The following SYNGR1 variants were observed in gnomAD, a reference collection of about 807,000 sequenced individuals.
SYNGR1 encodes synaptogyrin-1.
SYNGR1 carries 14 observed loss-of-function variants against 26.1 expected under a neutral mutation model. The ratio of observed to expected loss-of-function variants is 0.54; its 90% CI spans 0.35 to 0.84. The LOEUF is 0.84. SYNGR1 is among the 40% of genes least tolerant of loss of function. The probability of loss-of-function intolerance (pLI) is 0.01; values close to 1 mark genes in which losing one functional copy is unlikely to be tolerated. For missense variants in SYNGR1, 319 were observed against 332.9 expected (o/e 0.96, Z 0.33); for synonymous variants, 141 against 150.1 (o/e 0.94, Z 0.44).
chr22:39,359,969 T>C (rs1924390306), intron 1 of SYNGR1, among the ~76,000 whole-genome samples: 2 of 152,116 alleles, frequency 1.3e-5, no homozygotes, highest in African/African-American at 4.8e-5. Context: ...GATCTTCCCC[T>C]GTGCACTGGC....
intron 2 of SYNGR1, 60 bp from the exon 3 acceptor site, chr22:39,375,992 C>G (rs755674352): frequency 6.2e-7 from 1 of 1,609,966 alleles, no homozygotes; most frequent in South Asian, 1.1e-5. Flanking sequence ...ATTTTCTCCC[C>G]ACTCACCCTC....
At chr22:39,359,896 C>A (rs1924386075) in intron 1 of SYNGR1, among the ~76,000 whole-genome samples, 1 of 152,072 alleles carries the variant, frequency 6.6e-6, no homozygotes, top group South Asian at 2.1e-4. Flanking sequence ...AACCCTCCTA[C>A]CTTTCCATCT....
intron 1 of SYNGR1, among the ~76,000 whole-genome samples, chr22:39,363,441 G>A (rs1924582711): frequency 6.6e-6 from 1 of 151,980 alleles, no homozygotes; most frequent in Non-Finnish European, 1.5e-5. Flanking sequence ...GACAGTTTTG[G>A]GAGGAGGTTG....
At position 39,377,336 on chromosome 22, in the gene SYNGR1, C is replaced by G. The variant is rs555176602; in HGVS notation, c.483+1139C>G. ...TGGGCCAGCCTTGGCTGCTCCACCCCTCAGTGTCCTCAAGACTGGGTAGGA... is the reference window on the plus strand; with the variant it reads ...TGGGCCAGCCTTGGCTGCTCCACCCGTCAGTGTCCTCAAGACTGGGTAGGA... On this transcript the variant is annotated intron_variant, in intron 3 of 3. Transcript: ENST00000328933. 1.4e-3 allele frequency: 1,348 copies of G among 985,438 alleles called. 14 individuals are homozygous for G. In the African/African-American group the frequency reaches 0.022, roughly 16 times the overall value. 61.0% of individuals were successfully genotyped at this position (985,438 alleles called of 1,614,324 possible).
intron 1 of SYNGR1, among the ~76,000 whole-genome samples, chr22:39,372,345 A>G (rs555172939): frequency 6.9e-6 from 1 of 144,022 alleles, no homozygotes; most frequent in South Asian, 2.4e-4. Context: ...GTTAACCAGG[A>G]TGGTCTTGAT....
chr22:39,376,955 C>T, intron 3 of SYNGR1: 1 of 1,547,276 alleles, frequency 6.5e-7, no homozygotes, highest in Non-Finnish European at 8.7e-7. Context: ...CTCGGCTGGC[C>T]CCTCTTTCCC....
intron 3 of SYNGR1, chr22:39,378,180 C>T: frequency 9.0e-7 from 1 of 1,107,018 alleles, no homozygotes; most frequent in Non-Finnish European, 1.1e-6. Context: ...CCGAGGATGT[C>T]ACAGGGCTCC....
chr22:39,372,522 C>T (rs1382998909), intron 1 of SYNGR1, among the ~76,000 whole-genome samples: 4 of 142,130 alleles, frequency 2.8e-5, no homozygotes, highest in Non-Finnish European at 6.0e-5. Context: ...ACAATCTCGG[C>T]TCACTGCAAC....
At chr22:39,377,131 CTT>C in intron 3 of SYNGR1, 1 of 1,524,110 alleles carries the variant, frequency 6.6e-7, no homozygotes, top group Non-Finnish European at 8.8e-7. Flanking sequence ...CAAGGAGACT[CTT>C]GAGGCTACAT....
At chr22:39,377,667 T>C in intron 3 of SYNGR1, 1 of 1,613,826 alleles carries the variant, frequency 6.2e-7, no homozygotes, top group Non-Finnish European at 8.5e-7. Flanking sequence ...CAGCACACTG[T>C]TCCCTGCCTC....
chr22:39,378,274 G>A, intron 3 of SYNGR1: 2 of 992,400 alleles, frequency 2.0e-6, no homozygotes, highest in Non-Finnish European at 2.4e-6. Context: ...CCTGAACTGA[G>A]GGGTGATAAT....
At chr22:39,381,651 C>T (rs781471960) in intron 3 of SYNGR1, 45 bp from the exon 4 acceptor site, 1 of 1,606,094 alleles carries the variant, frequency 6.2e-7, no homozygotes, top group South Asian at 1.1e-5. Context: ...CTCCCCTAAC[C>T]ACCCCCTCCC....
At chr22:39,361,493 G>T (rs12185894) in intron 1 of SYNGR1, among the ~76,000 whole-genome samples, 2 of 151,694 alleles carry the variant, frequency 1.3e-5, no homozygotes, top group Admixed American at 1.3e-4. Context: ...AAGTAGCTGA[G>T]ATTACAGGCA....
intron 1 of SYNGR1, among the ~76,000 whole-genome samples, chr22:39,373,711 G>A (rs1317814791): frequency 6.6e-6 from 1 of 151,258 alleles, no homozygotes; most frequent in Non-Finnish European, 1.5e-5. Flanking sequence ...TCCAACTGCT[G>A]AGCTCAAGTG....
At chr22:39,373,134 T>G (rs575436234) in intron 1 of SYNGR1, among the ~76,000 whole-genome samples, 2 of 136,854 alleles carry the variant, frequency 1.5e-5, no homozygotes, top group African/African-American at 3.1e-5. Flanking sequence ...TATTTTCTAT[T>G]TAATACACAC....
chr22:39,378,400 C>CATTCA, intron 3 of SYNGR1: 2 of 981,702 alleles, frequency 2.0e-6, no homozygotes, highest in Non-Finnish European at 2.4e-6. Context: ...TTCATTCATT[C>CATTCA]TTCTCTCCAG....
rs550260667 is a variant in SYNGR1 at position 39,355,448 on chromosome 22, C to T, written c.99+5339C>T. Among the ~76,000 whole-genome samples, 35 of 152,346 alleles carry T rather than the reference C, an allele frequency of 2.3e-4. No homozygotes were observed. The South Asian group carries it at 6.8e-3, about 30-fold the overall frequency. On this transcript the variant is annotated intron_variant, in intron 1 of 3. Transcript: ENST00000328933. Reference sequence around the variant, plus strand: ...TTCTCACCTCTTCACCTCCTGTGGCCGGCCGCTCCGCCGCTTCTTCTCTCT... The same window carrying T: ...TTCTCACCTCTTCACCTCCTGTGGCTGGCCGCTCCGCCGCTTCTTCTCTCT...
intron 1 of SYNGR1, among the ~76,000 whole-genome samples, chr22:39,373,964 C>A (rs896291138): frequency 5.3e-5 from 8 of 152,162 alleles, no homozygotes; most frequent in African/African-American, 1.9e-4. Flanking sequence ...CCCAGGAGGG[C>A]CTGTGGCTCC....
Position 39,382,118 on chromosome 22 carries a change from C to T in SYNGR1, c.*204C>T. On this transcript the variant is annotated 3_prime_UTR_variant, in exon 4 of 4. Coordinates refer to ENST00000328933, the MANE Select transcript of SYNGR1 (RefSeq NM_004711.5). ...GTGCAAGTATATCCCAGGGCATGTGCCCCGCAGGGGCCTAGAGGGTGGGGG... is the reference window on the plus strand; with the variant it reads ...GTGCAAGTATATCCCAGGGCATGTGTCCCGCAGGGGCCTAGAGGGTGGGGG... The T allele has an allele frequency of 1.6e-6, 1 of 632,546 alleles. No homozygotes were observed. The allele number at this position is 632,546 out of a possible 1,614,324, so 39.2% of individuals were successfully genotyped here. A position where few individuals can be genotyped will look rare whatever the true frequency, so the allele number is the denominator to read the frequency against.
Sources: gnomAD v4.1 joint callset for allele counts (sites outside exome capture counted in the v4.1 genomes callset) on GRCh38, gnomAD v4.1.1 for gene constraint, MANE v1.5 for transcripts, NCBI Gene and HGNC (gene_info 2026-07-23, HGNC 2026-07-21) for gene names.